The following DDHD1 variants were observed in gnomAD, a reference collection of about 807,000 sequenced individuals.
DDHD1 encodes DDHD domain containing 1.
A neutral mutation model predicts 96.4 loss-of-function variants in DDHD1; 49 were observed. That is an observed-to-expected ratio of 0.51 (90% CI 0.40 to 0.64). The LOEUF is 0.64. DDHD1 is among the 30% of genes least tolerant of loss of function. The probability of loss-of-function intolerance (pLI) is 0.00; values close to 1 mark genes in which losing one functional copy is unlikely to be tolerated. For missense variants in DDHD1, 1,106 were observed against 1,161.2 expected, an observed-to-expected ratio of 0.95 and a Z score of 0.69; for synonymous variants, 442 against 446.5, an observed-to-expected ratio of 0.99 and a Z score of 0.13.
intron 6 of DDHD1, among the ~76,000 whole-genome samples, chr14:53,067,155 T>C (rs1357996318): frequency 6.7e-6 from 1 of 149,880 alleles, no homozygotes; most frequent in Non-Finnish European, 1.5e-5. Flanking sequence ...CTATTCCTTT[T>C]CTTTTTTTTT....
chr14:53,148,553 TCCACCCACCTCAG>T (rs1303288151), intron 1 of DDHD1, among the ~76,000 whole-genome samples: 2 of 152,136 alleles, frequency 1.3e-5, no homozygotes, highest in Admixed American at 1.3e-4. Context: ...TCTCAGGTGA[TCCACCCACCTCAG>T]CCTCCCAAAG....
intron 8 of DDHD1, among the ~76,000 whole-genome samples, chr14:53,059,030 A>G (rs1262020752): frequency 6.6e-6 from 1 of 152,242 alleles, no homozygotes; most frequent in Non-Finnish European, 1.5e-5. Flanking sequence ...AAATACGTGC[A>G]TAACAGAGGG....
chr14:53,060,090 C>T (rs1883422620), intron 8 of DDHD1, among the ~76,000 whole-genome samples: 1 of 151,982 alleles, frequency 6.6e-6, no homozygotes, highest in Non-Finnish European at 1.5e-5. Flanking sequence ...ATTTCTGCAT[C>T]ATTCCACATC....
chr14:53,129,287 C>T (rs1357053052), intron 1 of DDHD1, among the ~76,000 whole-genome samples: 1 of 152,242 alleles, frequency 6.6e-6, no homozygotes, highest in Non-Finnish European at 1.5e-5. Flanking sequence ...GACCAACCAG[C>T]CCAAGGAACA....
rs1882023870 is a variant in DDHD1, at chr14:53,046,589, A to T, written c.*179T>A. The T allele has an allele frequency of 2.4e-6, 1 of 408,808 alleles. No individual in the cohort carries two copies. Among genetic ancestry groups the T allele is most frequent in the African/African-American group, 2.1e-5 (1 of 47,800 alleles). 25.3% of individuals were successfully genotyped at this position (408,808 alleles called of 1,614,324 possible). On this transcript the variant is annotated 3_prime_UTR_variant, in exon 13 of 13. Coordinates refer to ENST00000673822, the MANE Select transcript of DDHD1 (RefSeq NM_001160148.2). ...ATTAAAATGATGCAAACTGTAAATG[A>T]CTTCTTCAGAACTGAAAACTTCTTT...
intron 1 of DDHD1, among the ~76,000 whole-genome samples, chr14:53,107,371 T>C (rs890490956): frequency 1.3e-5 from 2 of 152,084 alleles, no homozygotes; most frequent in Non-Finnish European, 2.9e-5. Context: ...AGCTACTAAA[T>C]GACTAATGGA....
intron 1 of DDHD1, among the ~76,000 whole-genome samples, chr14:53,120,974 G>A (rs1374119157): frequency 6.6e-6 from 1 of 152,068 alleles, no homozygotes; most frequent in African/African-American, 2.4e-5. Flanking sequence ...CTTCTGCACA[G>A]CAAAATAAAC....
At chr14:53,117,117 T>A (rs1031386160) in intron 1 of DDHD1, among the ~76,000 whole-genome samples, 3 of 152,074 alleles carry the variant, frequency 2.0e-5, no homozygotes, top group Non-Finnish European at 4.4e-5. Context: ...TACCATCAGA[T>A]AATACCATAA....
chr14:53,105,668 G>T (rs763937338), intron 1 of DDHD1, among the ~76,000 whole-genome samples: 14 of 151,958 alleles, frequency 9.2e-5, no homozygotes, highest in Non-Finnish European at 1.8e-4. Flanking sequence ...TTGATGGTTG[G>T]AATCACTGTT....
chr14:53,138,112 G>A (rs1050196231), intron 1 of DDHD1, among the ~76,000 whole-genome samples: 3 of 152,224 alleles, frequency 2.0e-5, no homozygotes, highest in Non-Finnish European at 4.4e-5. Context: ...TTTAAAAATT[G>A]ACTACTTAAA....
chr14:53,072,520 CAT>C, intron 6 of DDHD1, 75 bp downstream of exon 6: 1 of 757,090 alleles, frequency 1.3e-6, no homozygotes, highest in Non-Finnish European at 2.0e-6. Flanking sequence ...TTAAAAAAAA[CAT>C]AAAATGTAAA....
chr14:53,079,990 A>G (rs868225418), intron 4 of DDHD1, among the ~76,000 whole-genome samples: 2 of 152,234 alleles, frequency 1.3e-5, no homozygotes, highest in Admixed American at 6.5e-5. Flanking sequence ...GTACAAGAAC[A>G]TCTATTAACT....
rs1177837431 is a variant in DDHD1, at chr14:53,061,276, A to G, written c.1767-75T>C. 10 of 1,332,988 alleles carry G rather than the reference A, an allele frequency of 7.5e-6. No individual in the cohort carries two copies. The African/African-American group carries it at 9.0e-5, about 12-fold the overall frequency. The allele number at this position is 1,332,988 out of a possible 1,614,324, so 82.6% of individuals were successfully genotyped here. The stretch of plus-strand genomic sequence containing the variant: ...AATATTAGATGCTTGCTAGCTTACT[A>G]AAGTATAAAGACGCAGATGATGGCC... On this transcript the variant is annotated intron_variant, in intron 7 of 12. Transcript: ENST00000673822.
chr14:53,126,936 C>T (rs2139821820), intron 1 of DDHD1, among the ~76,000 whole-genome samples: 1 of 152,136 alleles, frequency 6.6e-6, no homozygotes, highest in South Asian at 2.1e-4. Flanking sequence ...ATAAATAAAA[C>T]AATCACGTGA....
intron 1 of DDHD1, among the ~76,000 whole-genome samples, chr14:53,139,708 C>CA (rs955048911): frequency 1.3e-5 from 2 of 151,308 alleles, no homozygotes; most frequent in Non-Finnish European, 2.9e-5. Flanking sequence ...AAAACAAAAA[C>CA]AAAAAAACAA....
chr14:53,129,365 C>G (rs1452057024), intron 1 of DDHD1, among the ~76,000 whole-genome samples: 1 of 152,234 alleles, frequency 6.6e-6, no homozygotes, highest in Non-Finnish European at 1.5e-5. Context: ...GCTATCCCTC[C>G]ACCCTTCAAT....
At chr14:53,143,884 T>C (rs1363641528) in intron 1 of DDHD1, among the ~76,000 whole-genome samples, 2 of 152,240 alleles carry the variant, frequency 1.3e-5, no homozygotes, top group Non-Finnish European at 2.9e-5. Context: ...TATTCTTAAT[T>C]AGATGGGGAG....
At chr14:53,135,691 C>T (rs1423096020) in intron 1 of DDHD1, among the ~76,000 whole-genome samples, 11 of 152,252 alleles carry the variant, frequency 7.2e-5, no homozygotes, top group Non-Finnish European at 1.5e-5. Flanking sequence ...TAGAGAAATA[C>T]AGACGGTCAA....
In DDHD1 at chr14:53,063,012, A is replaced by T; in HGVS notation, c.1697T>A (p.Leu566Ter). 1 of 1,614,070 alleles carries T rather than the reference A, an allele frequency of 6.2e-7. No individual in the cohort carries two copies. The highest frequency in any genetic ancestry group is 8.5e-7 in the Non-Finnish European group (1 of 1,179,972). The change falls in exon 7 of 13, where the codon TTG becomes TAG. Residue 566 changes from leucine (L) to a stop codon, truncating the protein, a stop_gained. Coordinates refer to ENST00000673822, the MANE Select transcript of DDHD1 (RefSeq NM_001160148.2). LOFTEE classifies it high-confidence loss of function. ...YEQLLQKEEE[L>*]PDERWMSYEE... ...ATAGCTCATCCATCGTTCATCAGGCAACTCTTCTTCCTTTTGCAGCAACTG... is the reference window on the plus strand; with the variant it reads ...ATAGCTCATCCATCGTTCATCAGGCTACTCTTCTTCCTTTTGCAGCAACTG...
Sources: gnomAD v4.1 joint callset for allele counts (sites outside exome capture counted in the v4.1 genomes callset) on GRCh38, gnomAD v4.1.1 for gene constraint, MANE v1.5 for transcripts, NCBI Gene and HGNC (gene_info 2026-07-23, HGNC 2026-07-21) for gene names.